The following LAMA5 variants were observed in gnomAD, a reference collection of about 807,000 sequenced individuals.
LAMA5 encodes the protein laminin subunit alpha-5.
LAMA5 carries 260 observed loss-of-function variants against 433.4 expected under a neutral mutation model. That is an observed-to-expected ratio of 0.60 (90% CI 0.54 to 0.66). The LOEUF (loss-of-function observed/expected upper bound fraction) is 0.66, where lower values mean the gene tolerates loss of function less well. LAMA5 is among the 30% of genes least tolerant of loss of function. The pLI is 0.00. For missense variants in LAMA5, 5,378 were observed against 5,258.5 expected (o/e 1.02, Z -0.70); for synonymous variants, 2,620 against 2,226.6 (o/e 1.18, Z -4.97).
In LAMA5 at chr20:62,338,341, G is replaced by C. The variant is rs745594529; in HGVS notation, c.1647C>G (p.Ala549=). 1.2e-6 allele frequency: 2 copies of C among 1,608,532 alleles called. No individual in the cohort carries two copies. The highest frequency in any genetic ancestry group is 1.7e-6 in the Non-Finnish European group (2 of 1,177,830). ...QPCQCSSPGV[A]DDRCDPDTGQ... ...CTGTGTCAGGGTCACAGCGGTCATCGGCCACTCCAGGGCTGGAACACTGGC... is the reference window on the plus strand; with the variant it reads ...CTGTGTCAGGGTCACAGCGGTCATCCGCCACTCCAGGGCTGGAACACTGGC... Residue 549 remains alanine, a synonymous_variant, in exon 13 of 80, where the codon GCC becomes GCG. Coordinates refer to ENST00000252999, the MANE Select transcript of LAMA5 (RefSeq NM_005560.6).
In LAMA5 at chr20:62,314,322, G is replaced by A. The variant is rs762581707; in HGVS notation, c.8486C>T (p.Ala2829Val). The change falls in exon 62 of 80, where the codon GCA becomes GTA. Residue 2829 changes from alanine to valine, a missense_variant. Coordinates refer to ENST00000252999, the MANE Select transcript of LAMA5 (RefSeq NM_005560.6). ...SIDEDIGEQF[A>V]AVSLDRTLQF... ...CTCCCACCTGTCCAGGCTGACAGCT[G>A]CGAACTGCTCCCCAATGTCCTCATC... is the stretch of plus-strand genomic sequence containing the variant. The A allele has an allele frequency of 2.5e-6, 4 of 1,613,240 alleles. No individual in the cohort carries two copies. Among genetic ancestry groups the A allele is most frequent in the East Asian group, 4.5e-5 (2 of 44,874 alleles).
chr20:62,315,166 C>T lies in LAMA5; in HGVS notation c.7909G>A (p.Ala2637Thr). 1 of 1,610,938 alleles carries T rather than the reference C, an allele frequency of 6.2e-7. No individual in the cohort carries two copies. The change falls in exon 59 of 80, where the codon GCT becomes ACT. Residue 2637 changes from alanine to threonine, a missense_variant. By Grantham distance (58) the Ala-to-Thr change is moderately conservative. Coordinates refer to ENST00000252999, the MANE Select transcript of LAMA5 (RefSeq NM_005560.6). ...KKIAHAKAVA[A>T]EAQDTATRVQ... ...CGGGTGGCGGTGTCCTGGGCTTCAG[C>T]AGCCACAGCCTTGGCATGTGCGATC... is the stretch of plus-strand genomic sequence containing the variant.
intron 46 of LAMA5, 74 bp downstream of exon 46, chr20:62,322,584 A>C: frequency 7.0e-7 from 1 of 1,421,316 alleles, no homozygotes; most frequent in Non-Finnish European, 9.5e-7. Context: ...AGCCCCACCT[A>C]TCAGATTCTC....
chr20:62,355,017 C>T (rs763114151), intron 2 of LAMA5, among the ~76,000 whole-genome samples: 11 of 152,218 alleles, frequency 7.2e-5, no homozygotes, highest in African/African-American at 2.4e-4. Flanking sequence ...CTGCCTGTCC[C>T]GGCCCACACC....
At position 62,312,966 on chromosome 20, in the gene LAMA5, C is replaced by T; in HGVS notation, c.9000G>A (p.Leu3000=). ...CLAVQEGSLV[L]LYDFGAGLKK... is the part of the protein sequence containing the mutation. The stretch of plus-strand genomic sequence containing the variant: ...TCAGGCCAGCCCCAAAGTCATACAA[C>T]AGCACGAGGCTGCCTTCTTGCACGG... The change falls in exon 66 of 80, where the codon CTG becomes CTA. Residue 3000 remains leucine (L), a synonymous_variant. Transcript: ENST00000252999. 1 of 1,582,334 alleles carries T rather than the reference C, an allele frequency of 6.3e-7. No individual in the cohort carries two copies. The highest frequency in any genetic ancestry group is 1.2e-5 in the South Asian group (1 of 86,246).
At chr20:62,312,081 C>A in intron 69 of LAMA5, 31 bp from the exon 70 acceptor site, 1 of 1,609,814 alleles carries the variant, frequency 6.2e-7, no homozygotes, top group Non-Finnish European at 8.5e-7. Context: ...AGCCGGCCGG[C>A]CTGGGGACCC....
Position 62,309,098 on chromosome 20 carries a change from G to A in LAMA5, c.*238C>T, listed in dbSNP as rs112772989. 5.4e-3 allele frequency: 3,242 copies of A among 600,494 alleles called. 17 individuals carry two copies. The highest frequency in any genetic ancestry group is 7.9e-3 in the Non-Finnish European group (2,832 of 356,682). The allele number at this position is 600,494 out of a possible 1,614,324, so 37.2% of individuals were successfully genotyped here. On this transcript the variant is annotated 3_prime_UTR_variant, in exon 80 of 80. Coordinates refer to ENST00000252999, the MANE Select transcript of LAMA5 (RefSeq NM_005560.6). ...AAGTTACTTTTTAATTTTTAAGGAGGAACCAGTGATGATTGGTGACAAATC... is the reference window on the plus strand; with the variant it reads ...AAGTTACTTTTTAATTTTTAAGGAGAAACCAGTGATGATTGGTGACAAATC...
At chr20:62,322,634 G>T in intron 46 of LAMA5, 24 bp downstream of exon 46, 2 of 721,646 alleles carry the variant, frequency 2.8e-6, no homozygotes, top group Non-Finnish European at 4.4e-6. Flanking sequence ...CACCCACCCA[G>T]CCCTGCTTAC....
At chr20:62,339,392 C>T (rs1982226304) in intron 11 of LAMA5, among the ~76,000 whole-genome samples, 2 of 151,888 alleles carry the variant, frequency 1.3e-5, no homozygotes, top group Admixed American at 1.3e-4. Context: ...TGCACGCTGC[C>T]ACGCCCGGCT....
Position 62,316,026 on chromosome 20 carries a change from G to A in LAMA5, c.7789C>T (p.Leu2597Phe), listed in dbSNP as rs1986898059. 1.2e-6 allele frequency: 2 copies of A among 1,609,530 alleles called. No individual in the cohort carries two copies. Among genetic ancestry groups the A allele is most frequent in the East Asian group, 4.5e-5 (2 of 44,858 alleles). The change falls in exon 58 of 80, where the codon CTC (leucine) becomes TTC (phenylalanine). Residue 2597 changes from leucine to phenylalanine, a missense_variant. By Grantham distance (22) the Leu-to-Phe change is conservative. Coordinates refer to ENST00000252999, the MANE Select transcript of LAMA5 (RefSeq NM_005560.6). ...WAALQGARTQLRDVRAKKDQL... is the reference protein window; with the variant it reads ...WAALQGARTQFRDVRAKKDQL... Reference sequence around the variant, plus strand: ...TCCTTCTTGGCCCGGACATCTCGGAGCTGGGTCCTGGCACCCTGGAGGGCA... The same window carrying A: ...TCCTTCTTGGCCCGGACATCTCGGAACTGGGTCCTGGCACCCTGGAGGGCA...
At chr20:62,327,162 C>A in intron 38 of LAMA5, 71 bp downstream of exon 38, 1 of 1,404,398 alleles carries the variant, frequency 7.1e-7, no homozygotes, top group South Asian at 1.5e-5. Context: ...GACCCCGCTC[C>A]TGGCTCCCAA....
chr20:62,355,947 G>GC (rs1568981702), intron 2 of LAMA5, among the ~76,000 whole-genome samples: 1 of 152,154 alleles, frequency 6.6e-6, no homozygotes, highest in Non-Finnish European at 1.5e-5. Context: ...CCTGGGAGCC[G>GC]CCCCCGCTGT....
intron 30 of LAMA5, 28 bp from the exon 31 acceptor site, chr20:62,330,642 C>A: frequency 6.3e-7 from 1 of 1,579,330 alleles, no homozygotes; most frequent in East Asian, 2.3e-5. Context: ...AGTGAGCAGG[C>A]TGAGCTATGA....
intron 40 of LAMA5, among the ~76,000 whole-genome samples, chr20:62,326,134 C>T (rs1464630021): frequency 2.0e-5 from 3 of 151,970 alleles, no homozygotes; most frequent in Non-Finnish European, 2.9e-5. Flanking sequence ...ACAGAAGAAT[C>T]GCTTGATCCT....
Position 62,322,709 on chromosome 20 carries a change from C to T in LAMA5, c.6114G>A (p.Gly2038=), listed in dbSNP as rs777263743. The T allele has an allele frequency of 1.3e-6, 2 of 1,547,146 alleles. No individual in the cohort carries two copies. Among genetic ancestry groups the T allele is most frequent in the Non-Finnish European group, 8.7e-7 (1 of 1,148,154 alleles). ...CGTEACDPHS[G]HCLCKAGVTG... is the part of the protein sequence containing the mutation. ...TCACGCCCGCCTTGCACAGGCAGTG[C>T]CCGCTGTGGGGGTCGCAGGCCTCTG... Residue 2038 remains glycine, a synonymous_variant, in exon 46 of 80, where the codon GGG becomes GGA. Coordinates refer to ENST00000252999, the MANE Select transcript of LAMA5 (RefSeq NM_005560.6).
At chr20:62,333,539 G>GCCCTCAC (rs1284423713) in intron 24 of LAMA5, 25 bp downstream of exon 24, 1 of 1,570,328 alleles carries the variant, frequency 6.4e-7, no homozygotes, top group African/African-American at 1.3e-5. Context: ...CCGGCCCCCA[G>GCCCTCAC]CCCTCACTCT....
chr20:62,336,703 A>G (rs1568949708), intron 17 of LAMA5, 31 bp downstream of exon 17: 3 of 1,611,628 alleles, frequency 1.9e-6, no homozygotes, highest in Middle Eastern at 1.7e-4. Flanking sequence ...GTCCTCACCC[A>G]TCTCCCACAC....
Position 62,337,976 on chromosome 20 carries a change from TG to T in LAMA5, c.1891+39del, listed in dbSNP as rs755138573. ...AATGGGGTCAGGCCCTGGCGCCATG[TG>T]GGTGGCAGAACCCCTTCCTGCCCTG... On this transcript the variant is annotated intron_variant, in intron 14 of 79. Transcript: ENST00000252999. The T allele has an allele frequency of 5.0e-6, 8 of 1,596,540 alleles. No homozygotes were observed. The East Asian group carries it at 1.8e-4, about 36-fold the overall frequency.
chr20:62,355,332 G>C (rs960451103), intron 2 of LAMA5: 7 of 152,376 alleles, frequency 4.6e-5, no homozygotes, highest in African/African-American at 1.7e-4. Context: ...GGGCCCCAAG[G>C]GGGAGAGTGG....
Sources: allele counts gnomAD v4.1 joint callset (sites outside exome capture counted in the v4.1 genomes callset), GRCh38; gene constraint gnomAD v4.1.1; transcripts MANE v1.5; gene names NCBI Gene and HGNC (gene_info 2026-07-23, HGNC 2026-07-21).